Variants in ANAPC10 observed in about 807,000 individuals in gnomAD.
The protein encoded by ANAPC10 is anaphase promoting complex subunit 10.
A neutral mutation model predicts 22.0 loss-of-function variants in ANAPC10; 12 were observed. The observed-to-expected ratio is 0.55, with a 90% CI of 0.35 to 0.88. The LOEUF (loss-of-function observed/expected upper bound fraction) is 0.88. Among genes scored for constraint, ANAPC10 ranks in the 40% least tolerant of loss-of-function variants. The pLI, the probability that ANAPC10 is intolerant of heterozygous loss-of-function variation, is 0.01. For synonymous variants in ANAPC10, 65 were observed against 69.5 expected (o/e 0.94, Z 0.32); for missense variants, 188 against 220.9 (o/e 0.85, Z 0.94).
At chr4:145,072,418 T>C (rs1405336678) in intron 3 of ANAPC10, among the ~76,000 whole-genome samples, 2 of 152,202 alleles carry the variant, frequency 1.3e-5, no homozygotes, top group Non-Finnish European at 2.9e-5. Context: ...TTATTTTCTA[T>C]GTGAAGAAAA....
At chr4:145,084,379 C>T (rs1746555407) in intron 2 of ANAPC10, among the ~76,000 whole-genome samples, 1 of 152,090 alleles carries the variant, frequency 6.6e-6, no homozygotes, top group Non-Finnish European at 1.5e-5. Flanking sequence ...AGAAAAATGG[C>T]ATACATGGAA....
intron 2 of ANAPC10, 105 bp downstream of exon 2, chr4:145,095,880 T>G: frequency 6.8e-7 from 1 of 1,473,830 alleles, no homozygotes; most frequent in South Asian, 1.1e-5. Flanking sequence ...GTTTTAGGCA[T>G]CCACTGGGAG....
chr4:144,995,009 T>C lies in ANAPC10; in HGVS notation c.*364A>G, dbSNP rs954457692. The C allele has an allele frequency of 6.3e-6, 1 of 159,644 alleles. No homozygotes were observed. The highest frequency in any genetic ancestry group is 2.4e-5 in the African/African-American group (1 of 41,512). 9.9% of individuals were successfully genotyped at this position (159,644 alleles called of 1,614,324 possible). A position where few individuals can be genotyped will look rare whatever the true frequency, so the allele number is the denominator to read the frequency against. ...TTGTTCTCAAATATGCAATAAACCATTACTCTAATGTATGAACACTAATGA... is the reference window on the plus strand; with the variant it reads ...TTGTTCTCAAATATGCAATAAACCACTACTCTAATGTATGAACACTAATGA... On this transcript the variant is annotated 3_prime_UTR_variant, in exon 5 of 5. Transcript: ENST00000507656.
intron 4 of ANAPC10, among the ~76,000 whole-genome samples, chr4:145,033,987 A>G (rs943095077): frequency 1.3e-5 from 2 of 152,180 alleles, no homozygotes; most frequent in African/African-American, 4.8e-5. Context: ...TCATGTATGT[A>G]CTAGTATTTG....
chr4:145,054,056 T>C (rs1312661005), intron 4 of ANAPC10, among the ~76,000 whole-genome samples: 2 of 151,560 alleles, frequency 1.3e-5, no homozygotes, highest in East Asian at 3.9e-4. Flanking sequence ...TTACAGGCAC[T>C]CGCCACCATT....
rs758568951 is a variant in ANAPC10, at chr4:145,081,730, G to A, written c.136C>T (p.Arg46Ter). 13 of 1,612,418 alleles carry A rather than the reference G, an allele frequency of 8.1e-6. No individual in the cohort carries two copies. The highest frequency in any genetic ancestry group is 2.2e-5 in the East Asian group (1 of 44,754). Residue 46 changes from arginine (R) to a stop codon, truncating the protein, a stop_gained, in exon 3 of 5, where the codon CGA (arginine) becomes TGA (stop). Transcript: ENST00000507656. LOFTEE classifies it high-confidence loss of function. ...CAATAAGTTTCTAGATTGTCATCTC[G>A]TAACTGATCCACTCCAAATCCTAAA... ...CKPGFGVDQL[R>*]DDNLETYWQS...
At chr4:145,054,626 TG>T (rs1741688754) in intron 4 of ANAPC10, among the ~76,000 whole-genome samples, 2 of 128,136 alleles carry the variant, frequency 1.6e-5, no homozygotes, top group Non-Finnish European at 3.4e-5. Flanking sequence ...TGTGTGTGTG[TG>T]TGTGTGTGTG....
intron 4 of ANAPC10, among the ~76,000 whole-genome samples, chr4:145,023,834 A>G (rs1296077493): frequency 6.6e-6 from 1 of 152,132 alleles, no homozygotes; most frequent in Non-Finnish European, 1.5e-5. Context: ...AAATAAGACA[A>G]CAATGATGGT....
In ANAPC10 at chr4:144,995,431, A is replaced by G. The variant is rs771814674; in HGVS notation, c.500T>C (p.Ile167Thr). 3.1e-6 allele frequency: 5 copies of G among 1,613,562 alleles called. No individual in the cohort carries two copies. The South Asian group carries it at 3.3e-5, about 11-fold the overall frequency. ...AGTTGTACATCTAGGAAATTTACCA[A>G]TGGAGCTCTCTTCTACTGGTGTGTA... ...KIYTPVEESS[I>T]GKFPRCTTID... Residue 167 changes from isoleucine to threonine, a missense_variant, in exon 5 of 5, where the codon ATT becomes ACT. Transcript: ENST00000507656.
intron 4 of ANAPC10, among the ~76,000 whole-genome samples, chr4:145,044,962 T>C (rs1220445049): frequency 6.6e-6 from 1 of 152,046 alleles, no homozygotes; most frequent in East Asian, 1.9e-4. Flanking sequence ...AAGTTCACTA[T>C]AAACATTCGG....
chr4:145,022,981 G>A (rs367836889), intron 4 of ANAPC10, among the ~76,000 whole-genome samples: 25 of 151,836 alleles, frequency 1.6e-4, no homozygotes, highest in South Asian at 4.2e-4. Flanking sequence ...CCATTAACTC[G>A]TCATTTACAT....
chr4:145,086,866 A>G (rs996923410), intron 2 of ANAPC10, among the ~76,000 whole-genome samples: 1 of 151,778 alleles, frequency 6.6e-6, no homozygotes, highest in Non-Finnish European at 1.5e-5. Context: ...CAACTGCCCT[A>G]AAGAAAAGAA....
intron 4 of ANAPC10, among the ~76,000 whole-genome samples, chr4:145,020,238 G>A (rs552118013): frequency 2.6e-5 from 4 of 152,134 alleles, no homozygotes; most frequent in African/African-American, 4.8e-5. Context: ...AAACTACCAC[G>A]AGCAAGTGGG....
At position 145,044,459 on chromosome 4, in the gene ANAPC10, T is replaced by C. The variant is rs538732710; in HGVS notation, c.327+20113A>G. On this transcript the variant is annotated intron_variant, in intron 4 of 4. Coordinates refer to ENST00000507656, the MANE Select transcript of ANAPC10 (RefSeq NM_001256706.2). ...CTCCAAAATTCTCCTTTCTATCCTTTGCATTTCCTTCCCCCCAACTCCCAC... is the reference window on the plus strand; with the variant it reads ...CTCCAAAATTCTCCTTTCTATCCTTCGCATTTCCTTCCCCCCAACTCCCAC... 3.0e-3 allele frequency among the ~76,000 whole-genome samples: 463 copies of C among 152,230 alleles called. 2 individuals are homozygous for C. The highest frequency in any genetic ancestry group is 0.01 in the African/African-American group (435 of 41,552).
At chr4:145,028,128 G>T (rs748744901) in intron 4 of ANAPC10, among the ~76,000 whole-genome samples, 3 of 152,174 alleles carry the variant, frequency 2.0e-5, no homozygotes, top group Non-Finnish European at 4.4e-5. Flanking sequence ...AATTGGATTG[G>T]GGGATACAAA....
At chr4:145,063,212 C>T (rs36053124) in intron 4 of ANAPC10, among the ~76,000 whole-genome samples, 195 of 152,238 alleles carry the variant, frequency 1.3e-3, no homozygotes, top group Non-Finnish European at 2.1e-3. Flanking sequence ...TGTTAACTAG[C>T]TTTATTCAGT....
At chr4:145,056,083 A>G (rs556209371) in intron 4 of ANAPC10, among the ~76,000 whole-genome samples, 5 of 152,292 alleles carry the variant, frequency 3.3e-5, no homozygotes, top group Admixed American at 3.3e-4. Flanking sequence ...CTTGAATACG[A>G]GCTGGGTAAA....
chr4:145,052,480 T>C (rs573163662), intron 4 of ANAPC10, among the ~76,000 whole-genome samples: 1 of 152,338 alleles, frequency 6.6e-6, no homozygotes, highest in African/African-American at 2.4e-5. Flanking sequence ...TTTTAGTTGT[T>C]CTCACAGATA....
Position 145,057,056 on chromosome 4 carries a change from A to G in ANAPC10, c.327+7516T>C, listed in dbSNP as rs548513637. Among the ~76,000 whole-genome samples, 41 of 152,316 alleles carry G rather than the reference A, an allele frequency of 2.7e-4. No individual in the cohort carries two copies. In the South Asian group the frequency reaches 8.5e-3, roughly 32 times the overall value. On this transcript the variant is annotated intron_variant, in intron 4 of 4. Coordinates refer to ENST00000507656, the MANE Select transcript of ANAPC10 (RefSeq NM_001256706.2). ...GGACAATGCTCTTGAAAGAAAATTC[A>G]TCAACTTCTAAGTTTAAGTACGCAT... is the stretch of plus-strand genomic sequence containing the variant.
Sources: gnomAD v4.1 joint callset for allele counts (sites outside exome capture counted in the v4.1 genomes callset) on GRCh38, gnomAD v4.1.1 for gene constraint, MANE v1.5 for transcripts, NCBI Gene and HGNC (gene_info 2026-07-23, HGNC 2026-07-21) for gene names.